The following ZNF565 variants were observed in gnomAD, a reference collection of about 807,000 sequenced individuals.
The protein encoded by ZNF565 is zinc finger protein 565.
In ZNF565, 27 loss-of-function variants were observed where a neutral mutation model predicts 39.4. The observed-to-expected ratio is 0.69, with a 90% CI of 0.51 to 0.95. The LOEUF (loss-of-function observed/expected upper bound fraction) is 0.95. ZNF565 is among the 40% of genes least tolerant of loss of function. The pLI is 0.00. For missense variants in ZNF565, 524 were observed against 621.1 expected (o/e 0.84, Z 1.66); for synonymous variants, 185 against 216.6 (o/e 0.85, Z 1.28).
intron 4 of ZNF565, among the ~76,000 whole-genome samples, chr19:36,192,308 T>C (rs1269654982): frequency 2.6e-5 from 4 of 152,134 alleles, no homozygotes; most frequent in South Asian, 4.1e-4. Flanking sequence ...TAATAAGCCA[T>C]GTTGATGTCT....
chr19:36,189,956 C>T (rs950633098), intron 4 of ZNF565, among the ~76,000 whole-genome samples: 2 of 151,910 alleles, frequency 1.3e-5, no homozygotes, highest in Admixed American at 1.3e-4. Flanking sequence ...GTCTCAGCCT[C>T]CCGAGTAGCT....
intron 1 of ZNF565, among the ~76,000 whole-genome samples, chr19:36,225,846 C>T (rs1977045162): frequency 6.6e-6 from 1 of 150,466 alleles, no homozygotes; most frequent in Non-Finnish European, 1.5e-5. Flanking sequence ...CTGCAACGTC[C>T]ACCTCCCAGG....
At chr19:36,203,196 C>T (rs902841687) in intron 1 of ZNF565, among the ~76,000 whole-genome samples, 11 of 151,774 alleles carry the variant, frequency 7.2e-5, no homozygotes, top group Non-Finnish European at 1.2e-4. Context: ...ATTAGCGGGG[C>T]GTGGTGGCGC....
intron 2 of ZNF565, 112 bp from the exon 3 acceptor site, chr19:36,195,268 G>A (rs747824503): frequency 5.2e-5 from 65 of 1,257,990 alleles, no homozygotes; most frequent in Non-Finnish European, 6.7e-5. Context: ...ATGGCCCCCC[G>A]ATATGCACCA....
At chr19:36,242,341 GGAGGTTGCAGTGAGGC>G (rs1351330022) in intron 1 of ZNF565, among the ~76,000 whole-genome samples, 1 of 152,026 alleles carries the variant, frequency 6.6e-6, no homozygotes, top group Non-Finnish European at 1.5e-5. Flanking sequence ...CACGGGAGGT[GGAGGTTGCAGTGAGGC>G]GAGATCAAGC....
intron 1 of ZNF565, among the ~76,000 whole-genome samples, chr19:36,223,300 A>G (rs1665933183): frequency 6.6e-6 from 1 of 150,634 alleles, no homozygotes; most frequent in South Asian, 2.1e-4. Flanking sequence ...ACGAGATCAC[A>G]CCACTGCACT....
chr19:36,221,932 T>C (rs960841391), intron 1 of ZNF565, among the ~76,000 whole-genome samples: 295 of 126,912 alleles, frequency 2.3e-3, no homozygotes, highest in African/African-American at 7.6e-3. Flanking sequence ...TCTTTCTTTT[T>C]TTTTTTTTTT....
upstream of ZNF565, chr19:36,218,100 T>G (rs1976688603): frequency 8.9e-6 from 1 of 111,950 alleles, no homozygotes; most frequent in Admixed American, 8.6e-5. Flanking sequence ...CTAATTTTTT[T>G]TTTTTTTTTT....
At chr19:36,214,296 C>A (rs149022381) in intron 1 of ZNF565, among the ~76,000 whole-genome samples, 6 of 152,204 alleles carry the variant, frequency 3.9e-5, no homozygotes, top group Non-Finnish European at 7.4e-5. Context: ...CAACCGCACA[C>A]CCGCAGTGGT....
At chr19:36,190,591 A>AC in intron 4 of ZNF565, among the ~76,000 whole-genome samples, 1 of 100,696 alleles carries the variant, frequency 9.9e-6, no homozygotes, top group South Asian at 3.0e-4. Flanking sequence ...AAAAAAAATT[A>AC]AAAAAAAAAA....
At chr19:36,190,556 A>C (rs1452555985) in intron 4 of ZNF565, among the ~76,000 whole-genome samples, 6 of 151,144 alleles carry the variant, frequency 4.0e-5, no homozygotes, top group Non-Finnish European at 7.4e-5. Context: ...AGTCTGGACA[A>C]CAAGGGCGAA....
At chr19:36,213,689 A>ATT (rs34943234) in intron 1 of ZNF565, among the ~76,000 whole-genome samples, 29 of 133,302 alleles carry the variant, frequency 2.2e-4, no homozygotes, top group East Asian at 6.4e-4. Flanking sequence ...CCAGCCATTA[A>ATT]TTTTTTTTTT....
chr19:36,245,818 C>T lies in ZNF565; in HGVS notation c.-288G>A, dbSNP rs548538981. ...ACTCTTGAGTCCCGGTTCCTTCGCC[C>T]AGCTGCGGGCCTCGGGCTACTGGAT... On this transcript the variant is annotated 5_prime_UTR_variant, in exon 1 of 5. Coordinates refer to the ZNF565 transcript ENST00000355114. This position sits in a 1 kb window ranked among gnomAD's most constrained non-coding sequence, Gnocchi z 4.4. 1 of 384,332 alleles carries T rather than the reference C, an allele frequency of 2.6e-6. No homozygotes were observed. The highest frequency in any genetic ancestry group is 4.6e-5 in the South Asian group (1 of 21,936). 23.8% of individuals were successfully genotyped at this position (384,332 alleles called of 1,614,324 possible).
chr19:36,207,476 G>A (rs1042842847), intron 1 of ZNF565, among the ~76,000 whole-genome samples: 2 of 152,060 alleles, frequency 1.3e-5, no homozygotes, highest in Non-Finnish European at 2.9e-5. Context: ...GGAGGCGGAG[G>A]TTGCGGTGAG....
At chr19:36,244,719 CAT>C (rs1392525100) in intron 1 of ZNF565, among the ~76,000 whole-genome samples, 17 of 151,430 alleles carry the variant, frequency 1.1e-4, no homozygotes, top group Non-Finnish European at 2.1e-4. Flanking sequence ...GGTGTGGTGG[CAT>C]GCGCCTGTAA....
intron 4 of ZNF565, among the ~76,000 whole-genome samples, chr19:36,185,413 CAAAA>C (rs964502449): frequency 8.7e-4 from 50 of 57,164 alleles, no homozygotes; most frequent in African/African-American, 3.0e-3. Context: ...AACTCTGTCT[CAAAA>C]AAAAAAAAAA....
intron 1 of ZNF565, among the ~76,000 whole-genome samples, chr19:36,229,509 G>GT (rs1386542141): frequency 6.6e-6 from 1 of 152,058 alleles, no homozygotes; most frequent in African/African-American, 2.4e-5. Context: ...TAGTCCTGCA[G>GT]TTTTTTTGCA....
chr19:36,207,924 A>G (rs930995493), intron 1 of ZNF565, among the ~76,000 whole-genome samples: 1 of 152,156 alleles, frequency 6.6e-6, no homozygotes, highest in African/African-American at 2.4e-5. Flanking sequence ...CATGTACATG[A>G]GCAGAAATAA....
At position 36,194,294 on chromosome 19, in the gene ZNF565, T is replaced by G. The variant is rs746857908; in HGVS notation, c.171A>C (p.Leu57Phe). 2 of 1,612,656 alleles carry G rather than the reference T, an allele frequency of 1.2e-6. No homozygotes were observed. Residue 57 changes from leucine (L) to phenylalanine (F), a missense_variant, in exon 4 of 5, where the codon TTA becomes TTC. Physicochemically the swap from Leu to Phe is conservative, Grantham distance 22. Coordinates refer to ENST00000304116, the MANE Select transcript of ZNF565 (RefSeq NM_152477.5). ...TCCAGGGCTCTTTCCCTTGCTCCAA[T>G]AAGGAGACGACATCAGGCTTAGAAA... is the stretch of plus-strand genomic sequence containing the variant. Reference protein sequence around the residue: ...LSISKPDVVSLLEQGKEPWMI... With the variant: ...LSISKPDVVSFLEQGKEPWMI...
Sources: allele counts gnomAD v4.1 joint callset (sites outside exome capture counted in the v4.1 genomes callset), GRCh38; gene constraint gnomAD v4.1.1; non-coding constraint Gnocchi (gnomAD v3.1); transcripts MANE v1.5; gene names NCBI Gene and HGNC (gene_info 2026-07-23, HGNC 2026-07-21).